Variants in COG3 observed in about 807,000 individuals in gnomAD.
COG3 encodes component of oligomeric golgi complex 3.
Under a neutral mutation model 114.1 loss-of-function variants are expected in COG3, and 32 were observed. That is an observed-to-expected ratio of 0.28 (90% CI 0.21 to 0.38). COG3 has a LOEUF of 0.38. Ranked by LOEUF, COG3 falls within the 10% of genes least tolerant of loss-of-function variation. The pLI is 1.00. For missense variants in COG3, 813 were observed against 973.2 expected (o/e 0.84, Z 2.19); for synonymous variants, 352 against 365.7 (o/e 0.96, Z 0.43).
In COG3 at chr13:45,509,832, C is replaced by A; in HGVS notation, c.1719+16C>A. The A allele has an allele frequency of 6.4e-7, 1 of 1,568,584 alleles. No homozygotes were observed. The highest frequency in any genetic ancestry group is 1.2e-5 in the South Asian group (1 of 85,014). ...ATGCATAGATGTACGTGTATCTTTA[C>A]TGTGAATTGCTCGTTCTTTCACTTG... On this transcript the variant is annotated intron_variant, in intron 15 of 22. Transcript: ENST00000349995.
chr13:45,476,670 G>A (rs1447259567), intron 2 of COG3, among the ~76,000 whole-genome samples: 1 of 151,912 alleles, frequency 6.6e-6, no homozygotes, highest in Non-Finnish European at 1.5e-5. Flanking sequence ...GTGTGTGCAT[G>A]GGTACCCCTC....
chr13:45,486,957 C>G (rs1886706941), intron 8 of COG3, among the ~76,000 whole-genome samples: 2 of 152,156 alleles, frequency 1.3e-5, no homozygotes. Flanking sequence ...ACTACAAAGA[C>G]TCTCTCACGA....
At chr13:45,504,503 C>T (rs528690825) in intron 14 of COG3, among the ~76,000 whole-genome samples, 8 of 152,292 alleles carry the variant, frequency 5.3e-5, no homozygotes, top group Admixed American at 3.9e-4. Context: ...CCATTACTGG[C>T]ATTACAATGA....
intron 16 of COG3, among the ~76,000 whole-genome samples, chr13:45,512,905 G>A (rs1184170542): frequency 6.6e-6 from 1 of 152,078 alleles, no homozygotes; most frequent in Middle Eastern, 3.4e-3. Flanking sequence ...GTTAGCCACC[G>A]CACTTAGCGG....
chr13:45,531,104 T>G, intron 22 of COG3: 1 of 985,532 alleles, frequency 1.0e-6, no homozygotes, highest in Non-Finnish European at 1.2e-6. Flanking sequence ...GAAATATGCA[T>G]AATAAGAGAA....
intron 1 of COG3, among the ~76,000 whole-genome samples, chr13:45,473,105 G>A (rs1487059803): frequency 1.3e-5 from 2 of 152,132 alleles, no homozygotes; most frequent in African/African-American, 2.4e-5. Flanking sequence ...TCCTGACCTC[G>A]TGATCCTCCC....
intron 14 of COG3, among the ~76,000 whole-genome samples, chr13:45,504,583 A>G (rs1256100014): frequency 6.6e-6 from 1 of 152,196 alleles, no homozygotes; most frequent in African/African-American, 2.4e-5. Context: ...CATTTGAAAG[A>G]TAAAGGTGGT....
intron 9 of COG3, 45 bp downstream of exon 9, chr13:45,491,003 T>C: frequency 7.8e-7 from 1 of 1,277,752 alleles, no homozygotes; most frequent in African/African-American, 1.5e-5. Flanking sequence ...AACCTTTGTC[T>C]TGTAGTACTG....
At chr13:45,467,937 G>C (rs1044639318) in intron 1 of COG3, among the ~76,000 whole-genome samples, 1 of 152,180 alleles carries the variant, frequency 6.6e-6, no homozygotes, top group African/African-American at 2.4e-5. Context: ...ATATCATAAA[G>C]ATGTTAACTT....
rs1873007497 is a variant in COG3 at position 45,529,796 on chromosome 13, G to C, written c.2236G>C (p.Val746Leu). The part of the protein sequence containing the change: ...SQQPWAQPAK[V>L]NDLAATAYKT... ...TGAGGTTACTTTATTTCCAGCAAAG[G>C]TCAATGACCTTGCGGCAACTGCATA... Residue 746 changes from valine (V) to leucine (L), a missense_variant, in exon 21 of 23, where the codon GTC becomes CTC. Around this residue, in one of 2 missense-constraint regions of COG3, gnomAD observed 389 missense variants for 542.6 expected, o/e 0.72. Transcript: ENST00000349995. 1 of 1,607,980 alleles carries C rather than the reference G, an allele frequency of 6.2e-7. No individual in the cohort carries two copies. The highest frequency in any genetic ancestry group is 1.7e-5 in the Admixed American group (1 of 59,486).
intron 14 of COG3, among the ~76,000 whole-genome samples, chr13:45,505,079 C>T (rs1434430059): frequency 6.6e-6 from 1 of 151,286 alleles, no homozygotes; most frequent in African/African-American, 2.4e-5. Flanking sequence ...CCCAGCTATT[C>T]GGGAAGCTGA....
chr13:45,515,286 G>A (rs1442216279), intron 16 of COG3, among the ~76,000 whole-genome samples: 1 of 152,142 alleles, frequency 6.6e-6, no homozygotes, highest in African/African-American at 2.4e-5. Context: ...GAGAGAGTAA[G>A]CGAGACTGGG....
intron 8 of COG3, among the ~76,000 whole-genome samples, chr13:45,488,099 A>C (rs1332727906): frequency 1.3e-5 from 2 of 152,268 alleles, no homozygotes; most frequent in Non-Finnish European, 2.9e-5. Flanking sequence ...ACTAGAGGTC[A>C]TTAAGTTAGT....
intron 14 of COG3, among the ~76,000 whole-genome samples, chr13:45,509,451 A>G (rs1482046592): frequency 6.6e-6 from 1 of 152,252 alleles, no homozygotes; most frequent in Non-Finnish European, 1.5e-5. Context: ...GCATATATAT[A>G]TGAAGCTGGA....
chr13:45,509,616 A>G (rs1368515049), intron 14 of COG3, 76 bp from the exon 15 acceptor site: 2 of 1,575,300 alleles, frequency 1.3e-6, no homozygotes, highest in Non-Finnish European at 1.7e-6. Context: ...TAAGCAGTTT[A>G]TAGTTGCCAT....
Position 45,511,755 on chromosome 13 carries a change from A to C in COG3, c.1720-10A>C. 6.2e-7 allele frequency: 1 copy of C among 1,607,710 alleles called. No individual in the cohort carries two copies. Among genetic ancestry groups the C allele is most frequent in the Non-Finnish European group, 8.5e-7 (1 of 1,174,638 alleles). Reference sequence around the variant, plus strand: ...TGCCACAGGCTGATTATTCTCTTTTATTCCACCAGAGGGCAGTGTTCCAAG... The same window carrying C: ...TGCCACAGGCTGATTATTCTCTTTTCTTCCACCAGAGGGCAGTGTTCCAAG... On this transcript the variant is annotated splice_polypyrimidine_tract_variant and intron_variant, in intron 15 of 22. Coordinates refer to ENST00000349995, the MANE Select transcript of COG3 (RefSeq NM_031431.4).
intron 7 of COG3, among the ~76,000 whole-genome samples, chr13:45,485,921 A>G (rs2137814057): frequency 1.9e-5 from 1 of 51,796 alleles, no homozygotes; most frequent in Non-Finnish European, 3.6e-5. Context: ...GCGGCCGGGC[A>G]GAGGCTGCAA....
At chr13:45,465,296 T>C (rs959249951) in intron 1 of COG3, 86 bp downstream of exon 1, 2 of 1,525,212 alleles carry the variant, frequency 1.3e-6, no homozygotes, top group African/African-American at 1.4e-5. Flanking sequence ...CTCACTAGCC[T>C]CTGCCCAGGA....
At chr13:45,478,468 C>T (rs548816273) in intron 2 of COG3, among the ~76,000 whole-genome samples, 9 of 151,066 alleles carry the variant, frequency 6.0e-5, no homozygotes, top group East Asian at 3.9e-4. Context: ...CGTGAGCCAC[C>T]GCGCCCAGCC....
Sources: gnomAD v4.1 joint callset for allele counts (sites outside exome capture counted in the v4.1 genomes callset) on GRCh38, gnomAD v4.1.1 for gene constraint, gnomAD v4.1.1 regional missense constraint, MANE v1.5 for transcripts, NCBI Gene and HGNC (gene_info 2026-07-23, HGNC 2026-07-21) for gene names.